Variants in RALGAPA2 observed in about 807,000 individuals in gnomAD.
The protein encoded by RALGAPA2 is Ral GTPase activating protein catalytic subunit alpha 2.
In RALGAPA2, 139 loss-of-function variants were observed where a neutral mutation model predicts 230.4. That is an observed-to-expected ratio of 0.60 (90% CI 0.53 to 0.69). The LOEUF is 0.69. Ranked by LOEUF, RALGAPA2 falls within the 30% of genes least tolerant of loss-of-function variation. The pLI is 0.00. For missense variants in RALGAPA2, 2,163 were observed against 2,276.0 expected (o/e 0.95, Z 1.01); for synonymous variants, 847 against 837.8 (o/e 1.01, Z -0.19).
chr20:20,632,246 G>A (rs900744792), intron 9 of RALGAPA2, among the ~76,000 whole-genome samples: 4 of 151,872 alleles, frequency 2.6e-5, no homozygotes, highest in African/African-American at 9.7e-5. Context: ...TAGCCAGGAT[G>A]GTCTCGATCT....
At chr20:20,418,156 T>TAAG (rs1054123145) in intron 37 of RALGAPA2, among the ~76,000 whole-genome samples, 3 of 152,118 alleles carry the variant, frequency 2.0e-5, no homozygotes, top group Non-Finnish European at 4.4e-5. Flanking sequence ...TGCCAGAATA[T>TAAG]AAGAAGAACG....
chr20:20,581,980 TA>T (rs2064998499), intron 20 of RALGAPA2, among the ~76,000 whole-genome samples: 1 of 152,196 alleles, frequency 6.6e-6, no homozygotes, highest in African/African-American at 2.4e-5. Context: ...TGTGCATCCA[TA>T]AAAGTCTTGG....
chr20:20,572,341 C>T (rs1489861719), intron 21 of RALGAPA2, among the ~76,000 whole-genome samples: 2 of 151,500 alleles, frequency 1.3e-5, no homozygotes, highest in South Asian at 4.2e-4. Context: ...ACTCAGGAGG[C>T]TAAAGCAGGA....
At chr20:20,528,275 G>A (rs1045111074) in intron 27 of RALGAPA2, among the ~76,000 whole-genome samples, 1 of 152,210 alleles carries the variant, frequency 6.6e-6, no homozygotes, top group African/African-American at 2.4e-5. Context: ...CCAACAGAGT[G>A]CCATGCTGAG....
intron 24 of RALGAPA2, among the ~76,000 whole-genome samples, chr20:20,539,640 C>G (rs1459258631): frequency 6.6e-6 from 1 of 152,142 alleles, no homozygotes; most frequent in African/African-American, 2.4e-5. Flanking sequence ...TTGAGATCTA[C>G]TCTCTTAGCA....
Position 20,669,003 on chromosome 20 carries a change from G to A in RALGAPA2, c.270+7233C>T, listed in dbSNP as rs140374869. Among the ~76,000 whole-genome samples, 505 of 152,282 alleles carry A rather than the reference G, an allele frequency of 3.3e-3. 3 individuals are homozygous for A. Among genetic ancestry groups the A allele is most frequent in the African/African-American group, 0.012 (483 of 41,584 alleles). On this transcript the variant is annotated intron_variant, in intron 3 of 39. Coordinates refer to ENST00000202677, the MANE Select transcript of RALGAPA2 (RefSeq NM_020343.4). Reference sequence around the variant, plus strand: ...CTCTAGGAAGGCTAATGACAAGATAGAAACAGGGTTTAATATAGTGGGGTA... The same window carrying A: ...CTCTAGGAAGGCTAATGACAAGATAAAAACAGGGTTTAATATAGTGGGGTA...
At chr20:20,652,480 T>C (rs1274170560) in intron 4 of RALGAPA2, among the ~76,000 whole-genome samples, 1 of 152,206 alleles carries the variant, frequency 6.6e-6, no homozygotes, top group Non-Finnish European at 1.5e-5. Context: ...GCCTATACAA[T>C]ACAAGAATGG....
At chr20:20,689,652 A>T (rs1192871258) in intron 1 of RALGAPA2, among the ~76,000 whole-genome samples, 1 of 152,230 alleles carries the variant, frequency 6.6e-6, no homozygotes, top group Non-Finnish European at 1.5e-5. Context: ...AAAAGATAAA[A>T]ATAAAAAAAT....
At chr20:20,699,291 T>C (rs546602341) in intron 1 of RALGAPA2, among the ~76,000 whole-genome samples, 3 of 152,338 alleles carry the variant, frequency 2.0e-5, no homozygotes, top group South Asian at 4.1e-4. Context: ...CTTTCCAAAA[T>C]AAATATTTGC....
chr20:20,543,638 C>A (rs969904695), intron 24 of RALGAPA2, among the ~76,000 whole-genome samples: 1 of 152,090 alleles, frequency 6.6e-6, no homozygotes, highest in African/African-American at 2.4e-5. Context: ...GGACAAAAAA[C>A]CAAACACTGC....
chr20:20,659,910 C>G (rs992114272), intron 3 of RALGAPA2: 1 of 408,742 alleles, frequency 2.4e-6, no homozygotes, highest in African/African-American at 2.1e-5. Context: ...CCAGGAGAAC[C>G]CCTAGCCATC....
intron 1 of RALGAPA2, among the ~76,000 whole-genome samples, chr20:20,692,522 C>A (rs1191812898): frequency 6.6e-6 from 1 of 152,170 alleles, no homozygotes; most frequent in Admixed American, 6.5e-5. Flanking sequence ...CCTCTCGGAA[C>A]CTGGCCTGTT....
Position 20,535,880 on chromosome 20 carries a change from C to T in RALGAPA2, c.3415-77G>A, listed in dbSNP as rs191704315. On this transcript the variant is annotated intron_variant, in intron 25 of 39. Transcript: ENST00000202677. ...CCACATGTTCTGACCATGTTCCAGGCAGCCAGGAGCTACTGAAGTTCGACC... is the reference window on the plus strand; with the variant it reads ...CCACATGTTCTGACCATGTTCCAGGTAGCCAGGAGCTACTGAAGTTCGACC... 8.8e-6 allele frequency: 13 copies of T among 1,476,670 alleles called. No individual in the cohort carries two copies. In the Admixed American group the frequency reaches 1.6e-4, roughly 19 times the overall value. The allele number at this position is 1,476,670 out of a possible 1,614,324, so 91.5% of individuals were successfully genotyped here. A position where few individuals can be genotyped will look rare whatever the true frequency, so the allele number is the denominator to read the frequency against.
intron 24 of RALGAPA2, among the ~76,000 whole-genome samples, chr20:20,541,452 T>C (rs1444534259): frequency 6.6e-6 from 1 of 152,228 alleles, no homozygotes; most frequent in Non-Finnish European, 1.5e-5. Context: ...GGGGCTATTA[T>C]GTAAAATAAA....
chr20:20,585,763 C>T (rs562812815), intron 18 of RALGAPA2, among the ~76,000 whole-genome samples: 37 of 151,898 alleles, frequency 2.4e-4, no homozygotes, highest in African/African-American at 7.7e-4. Context: ...ATGCAGGGCA[C>T]CCAGGTGAAG....
intron 20 of RALGAPA2, among the ~76,000 whole-genome samples, chr20:20,579,065 T>C (rs1036989573): frequency 2.0e-5 from 3 of 152,158 alleles, no homozygotes; most frequent in Admixed American, 6.6e-5. Flanking sequence ...ACAATTTTAG[T>C]GGCAGGTAAC....
chr20:20,596,448 T>C (rs924655052), intron 16 of RALGAPA2, among the ~76,000 whole-genome samples: 8 of 152,198 alleles, frequency 5.3e-5, no homozygotes, highest in African/African-American at 1.7e-4. Flanking sequence ...TATCTAGCAG[T>C]ATGTTGGTGG....
At chr20:20,607,434 G>T (rs1280783149) in intron 14 of RALGAPA2, among the ~76,000 whole-genome samples, 1 of 151,996 alleles carries the variant, frequency 6.6e-6, no homozygotes, top group African/African-American at 2.4e-5. Context: ...TAACATGTAT[G>T]AACTTGGTAA....
chr20:20,601,771 A>G lies in RALGAPA2; in HGVS notation c.2114T>C (p.Val705Ala). 10 of 1,613,764 alleles carry G rather than the reference A, an allele frequency of 6.2e-6. No homozygotes were observed. Among genetic ancestry groups the G allele is most frequent in the Non-Finnish European group, 8.5e-6 (10 of 1,179,734 alleles). Residue 705 changes from valine (V) to alanine (A), a missense_variant, in exon 16 of 40, where the codon GTG (valine) becomes GCG (alanine). Val to Ala is a moderately conservative substitution (Grantham distance 64, BLOSUM62 0). Coordinates refer to ENST00000202677, the MANE Select transcript of RALGAPA2 (RefSeq NM_020343.4). ...ACTCCTAAATCGCATCGGTTCGGTC[A>G]CATCTGGGTGGCTCCGCCAGCTGAG... is the stretch of plus-strand genomic sequence containing the variant. Reference protein sequence around the residue: ...FSLSWRSHPDVTEPMRFRSAT... With the variant: ...FSLSWRSHPDATEPMRFRSAT...
Sources: gnomAD v4.1 joint callset for allele counts (sites outside exome capture counted in the v4.1 genomes callset) on GRCh38, gnomAD v4.1.1 for gene constraint, MANE v1.5 for transcripts, NCBI Gene and HGNC (gene_info 2026-07-23, HGNC 2026-07-21) for gene names.